ASIC2: variants seen among roughly 807,000 people sequenced by gnomAD.
The protein encoded by ASIC2 is acid-sensing ion channel 2.
Under a neutral mutation model 57.3 loss-of-function variants are expected in ASIC2, and 25 were observed. The observed-to-expected ratio is 0.44, with a 90% CI of 0.32 to 0.61. The LOEUF (loss-of-function observed/expected upper bound fraction) is 0.61, where lower values mean the gene tolerates loss of function less well. Among genes scored for constraint, ASIC2 ranks in the 20% least tolerant of loss-of-function variants. The pLI, the probability that ASIC2 is intolerant of heterozygous loss-of-function variation, is 0.06. For missense variants in ASIC2, 641 were observed against 738.1 expected (o/e 0.87, Z 1.52); for synonymous variants, 319 against 307.5 (o/e 1.04, Z -0.39).
intron 1 of ASIC2, among the ~76,000 whole-genome samples, chr17:34,029,730 G>A (rs886974560): frequency 1.3e-5 from 2 of 152,230 alleles, no homozygotes; most frequent in African/African-American, 2.4e-5. Flanking sequence ...TGCAAGTCAG[G>A]AAGAGAGCCT....
At position 33,291,573 on chromosome 17, in the gene ASIC2, G is replaced by C. The variant is rs779782155; in HGVS notation, c.543C>G (p.Arg181=). The change falls in exon 1 of 10, where the codon CGC becomes CGG. Residue 181 remains arginine (R), a synonymous_variant. Coordinates refer to ENST00000225823, the MANE Select transcript of ASIC2 (RefSeq NM_183377.2). ...VSELLRGDEP[R]RQWFRKLADF... is the part of the protein sequence containing the mutation. The stretch of plus-strand genomic sequence containing the variant: ...CCGCCAGCTTGCGGAACCACTGGCG[G>C]CGCGGCTCGTCGCCCCGCAGCAGCT... The C allele has an allele frequency of 1.2e-4, 193 of 1,610,264 alleles. 1 individual carries two copies. In the Middle Eastern group the frequency reaches 6.4e-3, roughly 53 times the overall value.
chr17:34,099,691 GAAGA>G (rs1410871774), intron 1 of ASIC2, among the ~76,000 whole-genome samples: 205 of 132,662 alleles, frequency 1.5e-3, no homozygotes, highest in African/African-American at 2.3e-3. Context: ...AAAAGAAAGA[GAAGA>G]AAGAAAGGAA....
At chr17:33,740,005 AAAGAAAGAG>A (rs937916409) in intron 1 of ASIC2, among the ~76,000 whole-genome samples, 1 of 151,458 alleles carries the variant, frequency 6.6e-6, no homozygotes, top group Non-Finnish European at 1.5e-5. Context: ...AAAGAAAAAT[AAAGAAAGAG>A]AGAGAGAAAG....
chr17:33,986,672 C>T (rs1003119168), intron 1 of ASIC2, among the ~76,000 whole-genome samples: 2 of 152,098 alleles, frequency 1.3e-5, no homozygotes, highest in Non-Finnish European at 2.9e-5. Context: ...AGAGAAGAGG[C>T]ATAGGGTTTC....
intron 1 of ASIC2, among the ~76,000 whole-genome samples, chr17:33,185,537 G>A (rs1385983309): frequency 6.6e-6 from 1 of 152,108 alleles, no homozygotes; most frequent in Non-Finnish European, 1.5e-5. Context: ...GCCAGGAGAG[G>A]TTCTAGGTTG....
At chr17:33,815,334 G>T (rs990640138) in intron 1 of ASIC2, among the ~76,000 whole-genome samples, 4 of 152,186 alleles carry the variant, frequency 2.6e-5, no homozygotes, top group Non-Finnish European at 5.9e-5. Flanking sequence ...TTTAACTTGG[G>T]GCATGGCCCC....
intron 7 of ASIC2, among the ~76,000 whole-genome samples, chr17:33,018,694 C>T (rs895693750): frequency 1.1e-4 from 16 of 152,206 alleles, no homozygotes; most frequent in African/African-American, 3.9e-4. Flanking sequence ...CTGACCTTCT[C>T]AGGAGCTTTG....
chr17:33,178,858 A>T (rs1345364586), intron 1 of ASIC2, among the ~76,000 whole-genome samples: 1 of 152,216 alleles, frequency 6.6e-6, no homozygotes, highest in Non-Finnish European at 1.5e-5. Flanking sequence ...CATCCCCGAC[A>T]GCCTCCCTGT....
At chr17:34,051,856 CACAGAGAG>C (rs200456519) in intron 1 of ASIC2, 8 of 64,288 alleles carry the variant, frequency 1.2e-4, no homozygotes, top group Non-Finnish European at 1.7e-4. Flanking sequence ...CATACACACA[CACAGAGAG>C]AGAGAGAGAG....
At chr17:34,070,043 A>C (rs1478590352) in intron 1 of ASIC2, 1 of 152,114 alleles carries the variant, frequency 6.6e-6, no homozygotes, top group African/African-American at 2.4e-5. Flanking sequence ...GTAGTAACTG[A>C]ACTATAAAAA....
intron 1 of ASIC2, among the ~76,000 whole-genome samples, chr17:33,554,250 T>A (rs1198185997): frequency 6.6e-6 from 1 of 152,176 alleles, no homozygotes; most frequent in Non-Finnish European, 1.5e-5. Context: ...TCAGTTTGAG[T>A]CTACACAAAT....
chr17:33,129,750 G>A (rs1474927361), intron 1 of ASIC2, among the ~76,000 whole-genome samples: 1 of 152,190 alleles, frequency 6.6e-6, no homozygotes, highest in African/African-American at 2.4e-5. Context: ...TGTCTATGAG[G>A]AACACCTGAG....
At chr17:33,235,192 T>G (rs996232603) in intron 1 of ASIC2, among the ~76,000 whole-genome samples, 4 of 152,166 alleles carry the variant, frequency 2.6e-5, no homozygotes, top group Non-Finnish European at 5.9e-5. Flanking sequence ...TCTTCAGTCA[T>G]AGGAATAACC....
chr17:33,852,488 A>G (rs1317723976), intron 1 of ASIC2, among the ~76,000 whole-genome samples: 2 of 152,136 alleles, frequency 1.3e-5, no homozygotes, highest in Non-Finnish European at 2.9e-5. Flanking sequence ...ACTATGATGG[A>G]TTTTACATGT....
chr17:33,469,914 G>A (rs972453559), intron 1 of ASIC2, among the ~76,000 whole-genome samples: 2 of 152,176 alleles, frequency 1.3e-5, no homozygotes, highest in African/African-American at 4.8e-5. Flanking sequence ...CATTATGGTA[G>A]GTGTTATAGG....
intron 1 of ASIC2, among the ~76,000 whole-genome samples, chr17:33,407,250 C>T (rs1910504728): frequency 6.6e-6 from 1 of 152,206 alleles, no homozygotes; most frequent in Non-Finnish European, 1.5e-5. Context: ...TCTCAGTGCC[C>T]AAGGTCCCTC....
At chr17:33,487,553 T>C (rs368263697) in intron 1 of ASIC2, among the ~76,000 whole-genome samples, 1 of 152,224 alleles carries the variant, frequency 6.6e-6, no homozygotes, top group Admixed American at 6.5e-5. Context: ...AGGTTTGTTG[T>C]GGTGGTTAAT....
chr17:33,143,280 G>T (rs1904405454), intron 1 of ASIC2, among the ~76,000 whole-genome samples: 1 of 152,138 alleles, frequency 6.6e-6, no homozygotes, highest in East Asian at 1.9e-4. Context: ...TGGACTTGAG[G>T]TGTGCTAAAG....
intron 1 of ASIC2, among the ~76,000 whole-genome samples, chr17:33,353,310 G>A (rs1311972006): frequency 1.3e-5 from 2 of 152,060 alleles, no homozygotes; most frequent in Non-Finnish European, 2.9e-5. Flanking sequence ...ACCTCTACCT[G>A]TCTCATGCCC....
Sources: allele counts gnomAD v4.1 joint callset (sites outside exome capture counted in the v4.1 genomes callset), GRCh38; gene constraint gnomAD v4.1.1; transcripts MANE v1.5; gene names NCBI Gene and HGNC (gene_info 2026-07-23, HGNC 2026-07-21).